FMNL2: variants seen among roughly 807,000 people sequenced by gnomAD.
FMNL2 encodes the protein formin-like protein 2.
FMNL2 carries 51 observed loss-of-function variants against 130.2 expected under a neutral mutation model. That is an observed-to-expected ratio of 0.39 (90% CI 0.31 to 0.49). The LOEUF is 0.49. FMNL2 is among the 20% of genes least tolerant of loss of function. The pLI is 0.85. For synonymous variants in FMNL2, 465 were observed against 467.1 expected, an observed-to-expected ratio of 1.00 and a Z score of 0.06; for missense variants, 977 against 1,316.2, an observed-to-expected ratio of 0.74 and a Z score of 3.99.
intron 1 of FMNL2, among the ~76,000 whole-genome samples, chr2:152,474,559 G>T (rs529708169): frequency 2.0e-5 from 3 of 152,098 alleles, no homozygotes; most frequent in Non-Finnish European, 4.4e-5. Flanking sequence ...GGTGGCGCAC[G>T]CCTGTAGTCC....
At chr2:152,400,462 T>A (rs1001931256) in intron 1 of FMNL2, among the ~76,000 whole-genome samples, 4 of 151,566 alleles carry the variant, frequency 2.6e-5, no homozygotes, top group African/African-American at 7.3e-5. Context: ...ATAAAAAAAA[T>A]AAAGAATGCT....
At chr2:152,391,891 A>G (rs971047806) in intron 1 of FMNL2, among the ~76,000 whole-genome samples, 4 of 139,768 alleles carry the variant, frequency 2.9e-5, no homozygotes, top group Non-Finnish European at 6.1e-5. Flanking sequence ...GATACAGAAG[A>G]CTGGGAGCTA....
intron 15 of FMNL2, among the ~76,000 whole-genome samples, chr2:152,620,368 A>G (rs1473224339): frequency 6.6e-6 from 1 of 152,110 alleles, no homozygotes; most frequent in Non-Finnish European, 1.5e-5. Context: ...CACCAGAAAT[A>G]AAATGGGAGG....
chr2:152,542,627 C>T, intron 2 of FMNL2, 112 bp from the exon 3 acceptor site: 1 of 999,584 alleles, frequency 1.0e-6, no homozygotes, highest in South Asian at 1.4e-5. Context: ...CTCGCAGGGC[C>T]ACATTTATAC....
intron 1 of FMNL2, among the ~76,000 whole-genome samples, chr2:152,487,373 C>G (rs542084012): frequency 1.3e-5 from 2 of 152,270 alleles, no homozygotes; most frequent in South Asian, 4.1e-4. Context: ...AGGTAGGGAA[C>G]TTAGGTGAAA....
chr2:152,585,011 G>A (rs1335607265), intron 9 of FMNL2, among the ~76,000 whole-genome samples: 1 of 152,142 alleles, frequency 6.6e-6, no homozygotes, highest in Non-Finnish European at 1.5e-5. Flanking sequence ...TGGCTTCAAT[G>A]TACATGATGA....
intron 14 of FMNL2, 110 bp from the exon 15 acceptor site, chr2:152,619,399 T>G (rs540658812): frequency 3.3e-6 from 5 of 1,495,054 alleles, no homozygotes; most frequent in Admixed American, 4.4e-5. Context: ...AAAACAGTCC[T>G]TTGTCCTTTT....
rs139910017 is a variant in FMNL2 at position 152,568,036 on chromosome 2, G to A, written c.596+7001G>A. On this transcript the variant is annotated intron_variant, in intron 6 of 25. Coordinates refer to ENST00000288670, the MANE Select transcript of FMNL2 (RefSeq NM_052905.4). ...TTCAATTCAGGAAACATTCTTTCAA[G>A]GTTCTGCGGTATTATGTAGTCTGGG... Among the ~76,000 whole-genome samples the A allele has an allele frequency of 2.2e-4, 33 of 152,178 alleles. No individual in the cohort carries two copies. The East Asian group carries it at 6.2e-3, about 29-fold the overall frequency.
In FMNL2 at chr2:152,581,047, G is replaced by A; in HGVS notation, c.874G>A (p.Glu292Lys). 1 of 1,613,438 alleles carries A rather than the reference G, an allele frequency of 6.2e-7. No homozygotes were observed. Among genetic ancestry groups the A allele is most frequent in the Non-Finnish European group, 8.5e-7 (1 of 1,179,544 alleles). Residue 292 changes from glutamate (E) to lysine (K), a missense_variant and splice_region_variant, in exon 9 of 26, where the codon GAG (glutamate) becomes AAG (lysine). Coordinates refer to ENST00000288670, the MANE Select transcript of FMNL2 (RefSeq NM_052905.4). ...IILSAFDNFK[E>K]VCGEKQRFEK... ...TTTATCAGCATTTGATAACTTTAAA[G>A]AGGTAGGCTACACTATAGTTTTCAT...
intron 1 of FMNL2, among the ~76,000 whole-genome samples, chr2:152,375,871 C>CTATATA (rs1296121653): frequency 7.5e-4 from 86 of 114,574 alleles, no homozygotes; most frequent in Middle Eastern, 4.0e-3. Context: ...CTCTCTCTCT[C>CTATATA]TCTCTCTATA....
intron 9 of FMNL2, among the ~76,000 whole-genome samples, chr2:152,597,140 C>G (rs1697812919): frequency 6.6e-6 from 1 of 152,164 alleles, no homozygotes; most frequent in African/African-American, 2.4e-5. Flanking sequence ...TCTTTAAATA[C>G]TGGGAAGCAG....
At chr2:152,607,651 C>G (rs1198910072) in intron 10 of FMNL2, 1 of 325,980 alleles carries the variant, frequency 3.1e-6, no homozygotes, top group Admixed American at 4.5e-5. Context: ...CTAATCATAG[C>G]AAATAAAGGG....
chr2:152,629,709 C>G lies in FMNL2; in HGVS notation c.2454C>G (p.Leu818=). The change falls in exon 19 of 26, where the codon CTC becomes CTG. Residue 818 remains leucine, a synonymous_variant. Transcript: ENST00000288670. Reference sequence around the variant, plus strand: ...TCTCTATAAAGTCGTCCCAAAAACTCAAGAAAATTCTGGAGGCAAGTGCAG... The same window carrying G: ...TCTCTATAAAGTCGTCCCAAAAACTGAAGAAAATTCTGGAGGCAAGTGCAG... ...ASVSIKSSQK[L]KKILEIILAL... The G allele has an allele frequency of 6.2e-7, 1 of 1,602,594 alleles. No individual in the cohort carries two copies. Among genetic ancestry groups the G allele is most frequent in the Non-Finnish European group, 8.5e-7 (1 of 1,173,960 alleles).
chr2:152,636,726 T>G (rs1682642485), intron 22 of FMNL2, 136 bp downstream of exon 22: 1 of 1,072,126 alleles, frequency 9.3e-7, no homozygotes. Flanking sequence ...GTAACTATTA[T>G]TTATTACGGG....
At chr2:152,528,485 GT>G (rs1693518482) in intron 2 of FMNL2, among the ~76,000 whole-genome samples, 1 of 152,128 alleles carries the variant, frequency 6.6e-6, no homozygotes, top group Admixed American at 6.5e-5. Flanking sequence ...GCTTGTGGCT[GT>G]GTAAATCCAA....
intron 3 of FMNL2, among the ~76,000 whole-genome samples, chr2:152,547,484 A>G (rs1006394734): frequency 2.0e-5 from 3 of 152,166 alleles, no homozygotes; most frequent in African/African-American, 4.8e-5. Context: ...TGTCTTGGGA[A>G]TGGCATTTAT....
Position 152,542,591 on chromosome 2 carries a change from GCAAAACAGT to G in FMNL2, c.202-147_202-139del, listed in dbSNP as rs879933266. 5,815 of 706,850 alleles carry G rather than the reference GCAAAACAGT, an allele frequency of 8.2e-3. 63 individuals carry two copies. The highest frequency in any genetic ancestry group is 0.011 in the Non-Finnish European group (4,435 of 407,074). 43.8% of individuals were successfully genotyped at this position (706,850 alleles called of 1,614,324 possible). ...AGGGGATCACATCTACTACCAAGATGCAAAACAGTTAGTACAAAATGACTGCTCGCAGGG... is the reference window on the plus strand; with the variant it reads ...AGGGGATCACATCTACTACCAAGATGTAGTACAAAATGACTGCTCGCAGGG... On this transcript the variant is annotated intron_variant, in intron 2 of 25. Transcript: ENST00000288670.
intron 2 of FMNL2, among the ~76,000 whole-genome samples, chr2:152,531,919 G>C (rs763190191): frequency 1.3e-5 from 2 of 152,134 alleles, no homozygotes; most frequent in Non-Finnish European, 2.9e-5. Flanking sequence ...TAGGGGTGAG[G>C]GTGAGGTACA....
chr2:152,474,351 A>G (rs1690024784), intron 1 of FMNL2, among the ~76,000 whole-genome samples: 1 of 152,234 alleles, frequency 6.6e-6, no homozygotes, highest in Non-Finnish European at 1.5e-5. Context: ...AAAGCTTTTT[A>G]ATTAAATGGA....
Sources: allele counts gnomAD v4.1 joint callset (sites outside exome capture counted in the v4.1 genomes callset), GRCh38; gene constraint gnomAD v4.1.1; transcripts MANE v1.5; gene names NCBI Gene and HGNC (gene_info 2026-07-23, HGNC 2026-07-21).